STIM2: variants seen among roughly 807,000 people sequenced by gnomAD.
STIM2 encodes stromal interaction molecule 2.
STIM2 carries 31 observed loss-of-function variants against 85.8 expected under a neutral mutation model. The ratio of observed to expected loss-of-function variants is 0.36; its 90% confidence interval spans 0.27 to 0.49. STIM2 has a LOEUF of 0.49. Ranked by LOEUF, STIM2 falls within the 20% of genes least tolerant of loss-of-function variation. The pLI is 0.98. For missense variants in STIM2, 841 were observed against 927.6 expected (o/e 0.91, Z 1.21); for synonymous variants, 356 against 331.1 (o/e 1.08, Z -0.82).
In STIM2 at chr4:26,879,997, C is replaced by G. The variant is rs185282276; in HGVS notation, c.151+18628C>G. Among the ~76,000 whole-genome samples, 31 of 152,280 alleles carry G rather than the reference C, an allele frequency of 2.0e-4. No individual in the cohort carries two copies. In the East Asian group the frequency reaches 3.7e-3, roughly 18 times the overall value. On this transcript the variant is annotated intron_variant, in intron 1 of 11. Transcript: ENST00000467087. The stretch of plus-strand genomic sequence containing the variant: ...ACCTTCCTAACTTCTTGTTATCATT[C>G]TTTACCTTCTGCAGTCTAATCTCAG...
At chr4:26,969,876 C>T (rs776063921) in intron 3 of STIM2, among the ~76,000 whole-genome samples, 57 of 152,008 alleles carry the variant, frequency 3.7e-4, no homozygotes, top group Non-Finnish European at 6.6e-4. Flanking sequence ...CAAAACTAAA[C>T]GCTTAATAAA....
At chr4:26,932,223 C>T (rs28704572) in intron 2 of STIM2, among the ~76,000 whole-genome samples, 93,213 of 152,062 alleles carry the variant, frequency 0.61, 29,914 homozygotes, top group African/African-American at 0.82. Context: ...ATGTTCTTGA[C>T]TTCTAGTGTT....
chr4:27,002,818 T>A lies in STIM2; in HGVS notation c.804-109T>A, dbSNP rs750907912. 1.1e-4 allele frequency: 117 copies of A among 1,027,830 alleles called. 1 individual carries two copies. Among genetic ancestry groups the A allele is most frequent in the Non-Finnish European group, 1.5e-4 (114 of 769,002 alleles). The allele number at this position is 1,027,830 out of a possible 1,614,324, so 63.7% of individuals were successfully genotyped here. A position where few individuals can be genotyped will look rare whatever the true frequency, so the allele number is the denominator to read the frequency against. ...TAAGGCTAATGAAAAATGCTATGAT[T>A]TCTGATTGAAATATGTATTTAATCG... On this transcript the variant is annotated intron_variant, in intron 6 of 11. Transcript: ENST00000467087.
rs1456352542 is a variant in STIM2 at position 27,024,108 on chromosome 4, T to A, written c.*1112T>A. 1 of 152,540 alleles carries A rather than the reference T, an allele frequency of 6.6e-6. No individual in the cohort carries two copies. The highest frequency in any genetic ancestry group is 2.4e-5 in the African/African-American group (1 of 41,464). The allele number at this position is 152,540 out of a possible 1,614,324, so 9.4% of individuals were successfully genotyped here. On this transcript the variant is annotated 3_prime_UTR_variant, in exon 12 of 12. Transcript: ENST00000467087. ...TTGTCAACAAATTTCTATTTTATAT[T>A]GTTATATTTTTATGTAGTTTGAAAT...
intron 2 of STIM2, among the ~76,000 whole-genome samples, chr4:26,945,665 C>T (rs550765641): frequency 6.6e-6 from 1 of 152,248 alleles, no homozygotes; most frequent in South Asian, 2.1e-4. Context: ...AGTGGTATCT[C>T]ATTGTGGTTT....
At chr4:26,981,116 T>C (rs1727371507) in intron 3 of STIM2, among the ~76,000 whole-genome samples, 1 of 152,168 alleles carries the variant, frequency 6.6e-6, no homozygotes, top group Non-Finnish European at 1.5e-5. Context: ...CTTGACTGCC[T>C]GTATTCAAGT....
chr4:26,915,737 GA>G (rs1313116765), intron 1 of STIM2, among the ~76,000 whole-genome samples: 1 of 152,208 alleles, frequency 6.6e-6, no homozygotes, highest in African/African-American at 2.4e-5. Flanking sequence ...TTAATCCAGA[GA>G]AAAGAATGCT....
chr4:27,011,204 T>A (rs1340197785), intron 10 of STIM2, among the ~76,000 whole-genome samples: 1 of 152,186 alleles, frequency 6.6e-6, no homozygotes, highest in Non-Finnish European at 1.5e-5. Flanking sequence ...ATACAATGGT[T>A]GCGTGTTTAG....
chr4:26,920,269 T>A (rs1028504383), intron 2 of STIM2, among the ~76,000 whole-genome samples: 9 of 152,158 alleles, frequency 5.9e-5, no homozygotes, highest in Non-Finnish European at 1.3e-4. Flanking sequence ...CCAAGACAAG[T>A]CATTTGGCTA....
chr4:26,861,308 T>C lies in STIM2; in HGVS notation c.90T>C (p.Ser30=). The C allele has an allele frequency of 7.0e-7, 1 of 1,421,840 alleles. No homozygotes were observed. Among genetic ancestry groups the C allele is most frequent in the African/African-American group, 1.5e-5 (1 of 67,126 alleles). 88.1% of individuals were successfully genotyped at this position (1,421,840 alleles called of 1,614,324 possible). A position where few individuals can be genotyped will look rare whatever the true frequency, so the allele number is the denominator to read the frequency against. The change falls in exon 1 of 12, where the codon TCT becomes TCC. Residue 30 remains serine (S), a synonymous_variant. Coordinates refer to ENST00000467087, the MANE Select transcript of STIM2 (RefSeq NM_020860.4). ...TCCGCGGGCGGCGGGCGACTGGCTC[T>C]GCCGCAACTGCCGCCTCCTCTCCCG...
In STIM2 at chr4:26,991,432, G is replaced by A. The variant is rs548371172; in HGVS notation, c.398-3947G>A. Among the ~76,000 whole-genome samples the A allele has an allele frequency of 7.2e-5, 11 of 152,196 alleles. No homozygotes were observed. In the South Asian group the frequency reaches 1.9e-3, roughly 26 times the overall value. ...TGGTTACCAGAGGCTGGGAAGCGAA[G>A]AGGGGAATGAAGAGAAGTTGGTTAA... On this transcript the variant is annotated intron_variant, in intron 3 of 11. Coordinates refer to ENST00000467087, the MANE Select transcript of STIM2 (RefSeq NM_020860.4).
chr4:27,023,141 A>G lies in STIM2; in HGVS notation c.*145A>G, dbSNP rs1324502872. ...GGCCGGATGCCATAGTGGAACATCCAGAAGGGCAACTGTCTACTGTCTGCT... is the reference window on the plus strand; with the variant it reads ...GGCCGGATGCCATAGTGGAACATCCGGAAGGGCAACTGTCTACTGTCTGCT... On this transcript the variant is annotated 3_prime_UTR_variant, in exon 12 of 12. Coordinates refer to ENST00000467087, the MANE Select transcript of STIM2 (RefSeq NM_020860.4). 9.4e-6 allele frequency: 7 copies of G among 743,678 alleles called. No individual in the cohort carries two copies. Among genetic ancestry groups the G allele is most frequent in the Non-Finnish European group, 1.6e-5 (7 of 446,384 alleles). The allele number at this position is 743,678 out of a possible 1,614,324, so 46.1% of individuals were successfully genotyped here.
intron 3 of STIM2, among the ~76,000 whole-genome samples, chr4:26,964,298 G>A (rs553556462): frequency 1.3e-5 from 2 of 152,224 alleles, no homozygotes; most frequent in African/African-American, 4.8e-5. Context: ...AGCAAAAAAG[G>A]GTATTATTTT....
intron 1 of STIM2, among the ~76,000 whole-genome samples, chr4:26,880,670 AATATATATGTAAATAT>A: frequency 6.8e-6 from 1 of 146,044 alleles, no homozygotes; most frequent in Admixed American, 6.9e-5. Context: ...TATATATGTA[AATATATATGTAAATAT>A]ATATATATGT....
intron 3 of STIM2, among the ~76,000 whole-genome samples, chr4:26,993,589 T>A (rs1727842739): frequency 6.6e-6 from 1 of 152,162 alleles, no homozygotes; most frequent in East Asian, 1.9e-4. Flanking sequence ...GATCTGCTTT[T>A]ATTGCTCACG....
rs376218734 is a variant in STIM2 at position 26,946,565 on chromosome 4, T to C, written c.283-11047T>C. Among the ~76,000 whole-genome samples, 438 of 152,352 alleles carry C rather than the reference T, an allele frequency of 2.9e-3. 1 individual carries two copies. The highest frequency in any genetic ancestry group is 5.4e-3 in the Non-Finnish European group (369 of 68,028). On this transcript the variant is annotated intron_variant, in intron 2 of 11. Transcript: ENST00000467087. ...CACCTGACTAGTTTGTGTGTGTGTG[T>C]GCGCACGCATGCGTGCACACATGTA...
chr4:26,963,704 T>G (rs1423883647), intron 3 of STIM2, among the ~76,000 whole-genome samples: 1 of 152,154 alleles, frequency 6.6e-6, no homozygotes, highest in Non-Finnish European at 1.5e-5. Flanking sequence ...ATGGACAGAT[T>G]TATTACAGGG....
chr4:27,019,180 C>T (rs1728831006), intron 11 of STIM2, among the ~76,000 whole-genome samples: 1 of 152,156 alleles, frequency 6.6e-6, no homozygotes, highest in South Asian at 2.1e-4. Context: ...GAGTGGTCTA[C>T]ACTCTTTATC....
intron 2 of STIM2, among the ~76,000 whole-genome samples, chr4:26,932,060 G>A (rs1226822889): frequency 6.6e-6 from 1 of 152,102 alleles, no homozygotes; most frequent in Admixed American, 6.5e-5. Context: ...CTATGGTATG[G>A]ACTCCTTATA....
Sources: allele counts gnomAD v4.1 joint callset (sites outside exome capture counted in the v4.1 genomes callset), GRCh38; gene constraint gnomAD v4.1.1; transcripts MANE v1.5; gene names NCBI Gene and HGNC (gene_info 2026-07-23, HGNC 2026-07-21).